The following SEPTIN2 variants were observed in gnomAD, a reference collection of about 807,000 sequenced individuals.
SEPTIN2 encodes the protein septin 2, also known as septin-2.
SEPTIN2 carries 34 observed loss-of-function variants against 46.5 expected under a neutral mutation model. That is an observed-to-expected ratio of 0.73 (90% CI 0.56 to 0.97). The LOEUF is 0.97. Ranked by LOEUF, SEPTIN2 falls within the 50% of genes least tolerant of loss-of-function variation. SEPTIN2 has a pLI of 0.00. For synonymous variants in SEPTIN2, 175 were observed against 153.4 expected, an observed-to-expected ratio of 1.14 and a Z score of -1.04; for missense variants, 347 against 448.4, an observed-to-expected ratio of 0.77 and a Z score of 2.04.
intron 12 of SEPTIN2, chr2:241,351,310 A>G (rs1553700060): frequency 1.3e-5 from 2 of 152,192 alleles, no homozygotes; most frequent in South Asian, 2.1e-4. Context: ...TTCATTGTAA[A>G]ATACGGTATT....
chr2:241,351,608 A>G (rs892759932), intron 12 of SEPTIN2: 1 of 152,144 alleles, frequency 6.6e-6, no homozygotes, highest in Non-Finnish European at 1.5e-5. Flanking sequence ...GTGACTGGGG[A>G]AGTGAGGGTA....
intron 3 of SEPTIN2, among the ~76,000 whole-genome samples, chr2:241,327,798 C>T (rs1009838774): frequency 6.6e-6 from 1 of 152,058 alleles, no homozygotes; most frequent in East Asian, 1.9e-4. Flanking sequence ...TGCCTGTAAT[C>T]CTAGCACTTT....
At chr2:241,336,767 C>G (rs1010920388) in intron 5 of SEPTIN2, 1 of 170,708 alleles carries the variant, frequency 5.9e-6, no homozygotes, top group Non-Finnish European at 1.4e-5. Context: ...CACCCTGTTC[C>G]TCTGCCCCTT....
chr2:241,351,418 G>GT (rs770870800), intron 12 of SEPTIN2: 2 of 152,222 alleles, frequency 1.3e-5, no homozygotes, highest in African/African-American at 2.4e-5. Context: ...GGTTGCTTTA[G>GT]TTTCATCATC....
chr2:241,329,900 G>A (rs2078701135), intron 3 of SEPTIN2, among the ~76,000 whole-genome samples: 1 of 152,234 alleles, frequency 6.6e-6, no homozygotes, highest in African/African-American at 2.4e-5. Context: ...GCTTGGACCA[G>A]CATAAGCATG....
chr2:241,329,119 G>A (rs1267543223), intron 3 of SEPTIN2, among the ~76,000 whole-genome samples: 1 of 151,964 alleles, frequency 6.6e-6, no homozygotes, highest in Non-Finnish European at 1.5e-5. Context: ...TGTTTTGTTT[G>A]TGTGTTTTGT....
chr2:241,329,547 A>G (rs1425857275), intron 3 of SEPTIN2, among the ~76,000 whole-genome samples: 2 of 152,218 alleles, frequency 1.3e-5, no homozygotes, highest in Middle Eastern at 3.2e-3. Flanking sequence ...TTTCGGTGCC[A>G]TAAAGAAATA....
At chr2:241,350,441 T>A (rs1305645319) in intron 12 of SEPTIN2, among the ~76,000 whole-genome samples, 1 of 152,188 alleles carries the variant, frequency 6.6e-6, no homozygotes, top group Non-Finnish European at 1.5e-5. Flanking sequence ...TAATTTCAAC[T>A]TTTATTTTAT....
Position 241,350,219 on chromosome 2 carries a change from C to T in SEPTIN2, c.*29+16C>T. 6.8e-7 allele frequency: 1 copy of T among 1,474,456 alleles called. No individual in the cohort carries two copies. Among genetic ancestry groups the T allele is most frequent in the Non-Finnish European group, 9.2e-7 (1 of 1,088,020 alleles). The allele number at this position is 1,474,456 out of a possible 1,614,324, so 91.3% of individuals were successfully genotyped here. A position where few individuals can be genotyped will look rare whatever the true frequency, so the allele number is the denominator to read the frequency against. Reference sequence around the variant, plus strand: ...GAAGTCAGAGGTAGGCCCTGTTGTCCCTTAGCCTGGAAGACAGGCAGTTAC... The same window carrying T: ...GAAGTCAGAGGTAGGCCCTGTTGTCTCTTAGCCTGGAAGACAGGCAGTTAC... On this transcript the variant is annotated intron_variant, in intron 12 of 12. Transcript: ENST00000391971.
At chr2:241,342,185 T>C (rs79157043) in intron 7 of SEPTIN2, among the ~76,000 whole-genome samples, 3,980 of 152,314 alleles carry the variant, frequency 0.026, 403 homozygotes, top group Admixed American at 0.18. Flanking sequence ...GAATTTCTTA[T>C]TCTCAAAATG....
chr2:241,347,260 C>T (rs2060339657), intron 10 of SEPTIN2, among the ~76,000 whole-genome samples: 1 of 152,048 alleles, frequency 6.6e-6, no homozygotes, highest in African/African-American at 2.4e-5. Flanking sequence ...ACAAAAGTTT[C>T]CTGTGTTGTA....
At chr2:241,349,593 C>T (rs978094668) in intron 11 of SEPTIN2, among the ~76,000 whole-genome samples, 5 of 151,810 alleles carry the variant, frequency 3.3e-5, no homozygotes, top group African/African-American at 4.8e-5. Context: ...GAGGCGGAGG[C>T]GGGTGGATCA....
chr2:241,335,562 T>A, intron 4 of SEPTIN2: 1 of 614,998 alleles, frequency 1.6e-6, no homozygotes, highest in Non-Finnish European at 2.9e-6. Context: ...CGAATTCATC[T>A]ACTGTCAGAA....
At position 241,320,238 on chromosome 2, in the gene SEPTIN2, A is replaced by G. The variant is rs929718550; in HGVS notation, c.-17-3978A>G. 5 of 471,172 alleles carry G rather than the reference A, an allele frequency of 1.1e-5. No homozygotes were observed. The Admixed American group carries it at 1.2e-4, about 11-fold the overall frequency. 29.2% of individuals were successfully genotyped at this position (471,172 alleles called of 1,614,324 possible). On this transcript the variant is annotated intron_variant, in intron 1 of 12. Coordinates refer to ENST00000391971, the MANE Select transcript of SEPTIN2 (RefSeq NM_004404.5). ...TAGTTAAATGACTTTGGTCTTGTCCAAGGTTAGATGGAGTTCAACTCTAAC... is the reference window on the plus strand; with the variant it reads ...TAGTTAAATGACTTTGGTCTTGTCCGAGGTTAGATGGAGTTCAACTCTAAC...
chr2:241,320,686 G>C (rs2076992035), intron 1 of SEPTIN2, among the ~76,000 whole-genome samples: 1 of 152,112 alleles, frequency 6.6e-6, no homozygotes, highest in Non-Finnish European at 1.5e-5. Context: ...CTATTCCGGA[G>C]GCTGAGGCAG....
chr2:241,330,803 T>C lies in SEPTIN2; in HGVS notation c.131-4323T>C, dbSNP rs773750577. Among the ~76,000 whole-genome samples, 3 of 152,204 alleles carry C rather than the reference T, an allele frequency of 2.0e-5. 1 individual carries two copies. Among genetic ancestry groups the C allele is most frequent in the Non-Finnish European group, 2.9e-5 (2 of 68,030 alleles). On this transcript the variant is annotated intron_variant, in intron 3 of 12. Coordinates refer to ENST00000391971, the MANE Select transcript of SEPTIN2 (RefSeq NM_004404.5). Reference sequence around the variant, plus strand: ...GATGCAACATTCAAAGTCATTGTCATGCAGTGTAGTTATCAAGGAGGAAGA... The same window carrying C: ...GATGCAACATTCAAAGTCATTGTCACGCAGTGTAGTTATCAAGGAGGAAGA...
chr2:241,316,371 A>C, intron 1 of SEPTIN2: 1 of 845,234 alleles, frequency 1.2e-6, no homozygotes, highest in Non-Finnish European at 1.7e-6. Flanking sequence ...ACAAACACTT[A>C]GAGCTTGTGT....
intron 1 of SEPTIN2, among the ~76,000 whole-genome samples, chr2:241,322,073 C>T (rs757686294): frequency 2.0e-5 from 3 of 152,104 alleles, no homozygotes; most frequent in Non-Finnish European, 4.4e-5. Context: ...CTCATTTCTT[C>T]CAAAGTAGCT....
chr2:241,340,922 C>T (rs1174047976), intron 7 of SEPTIN2, among the ~76,000 whole-genome samples: 1 of 152,190 alleles, frequency 6.6e-6, no homozygotes, highest in African/African-American at 2.4e-5. Flanking sequence ...CTGTTATCTG[C>T]CCTCCCCATG....
Sources: allele counts gnomAD v4.1 joint callset (sites outside exome capture counted in the v4.1 genomes callset), GRCh38; gene constraint gnomAD v4.1.1; transcripts MANE v1.5; gene names NCBI Gene and HGNC (gene_info 2026-07-23, HGNC 2026-07-21).